TLN2: variants seen among roughly 807,000 people sequenced by gnomAD.
TLN2 encodes talin-2.
In TLN2, 118 loss-of-function variants were observed where a neutral mutation model predicts 294.7. The observed-to-expected ratio is 0.40, with a 90% CI of 0.34 to 0.47. The LOEUF (loss-of-function observed/expected upper bound fraction) is 0.47, where lower values mean the gene tolerates loss of function less well. TLN2 is among the 20% of genes least tolerant of loss of function. TLN2 has a pLI of 0.84. For synonymous variants in TLN2, 1,431 were observed against 1,304.5 expected (o/e 1.10, Z -2.09); for missense variants, 3,083 against 3,282.2 (o/e 0.94, Z 1.48).
At chr15:62,472,099 T>A (rs1474692776) in intron 1 of TLN2, among the ~76,000 whole-genome samples, 1 of 152,110 alleles carries the variant, frequency 6.6e-6, no homozygotes, top group Non-Finnish European at 1.5e-5. Context: ...TTCCCACCTT[T>A]CCCATGCACC....
intron 1 of TLN2, among the ~76,000 whole-genome samples, chr15:62,433,750 A>G (rs1019526892): frequency 1.3e-5 from 2 of 152,096 alleles, no homozygotes; most frequent in African/African-American, 2.4e-5. Context: ...GTCCAGATTC[A>G]CTTCCCTTCT....
At chr15:62,412,446 G>T (rs566411644) in intron 1 of TLN2, among the ~76,000 whole-genome samples, 3 of 152,306 alleles carry the variant, frequency 2.0e-5, no homozygotes, top group East Asian at 1.9e-4. Flanking sequence ...GGTGCTAGCT[G>T]TCCTTCTGTT....
At chr15:62,818,532 G>T (rs572343980) in intron 52 of TLN2, among the ~76,000 whole-genome samples, 1 of 152,262 alleles carries the variant, frequency 6.6e-6, no homozygotes, top group Non-Finnish European at 1.5e-5. Context: ...AAGGTGTTTA[G>T]TATTCTCAGT....
intron 28 of TLN2, 100 bp from the exon 29 acceptor site, chr15:62,736,778 T>A: frequency 7.9e-7 from 1 of 1,268,168 alleles, no homozygotes; most frequent in Non-Finnish European, 1.1e-6. Flanking sequence ...AATCTGCAGC[T>A]CCCCTTCTGT....
rs1158144919 is a variant in TLN2, at chr15:62,689,846, C to CT, written c.1114-2963dup. ...TTTTCAAAATTCTTGGTATGGGCTT[C>CT]TTTTTTTTTTTTTTTTTTTTTTTTT... On this transcript the variant is annotated intron_variant, in intron 12 of 58. Coordinates refer to ENST00000636159, the MANE Select transcript of TLN2 (RefSeq NM_015059.3). Among the ~76,000 whole-genome samples the CT allele has an allele frequency of 5.0e-3, 77 of 15,392 alleles. 12 individuals carry two copies. Among genetic ancestry groups the CT allele is most frequent in the African/African-American group, 0.011 (75 of 7,052 alleles). 10.1% of individuals were successfully genotyped at this position (15,392 alleles called of 152,430 possible). A position where few individuals can be genotyped will look rare whatever the true frequency, so the allele number is the denominator to read the frequency against.
chr15:62,690,346 C>G (rs1328539525), intron 12 of TLN2: 1 of 155,386 alleles, frequency 6.4e-6, no homozygotes, highest in Non-Finnish European at 1.4e-5. Context: ...CGCGGCCGGG[C>G]AGAGGCGCTC....
chr15:62,567,095 T>C (rs1041439754), intron 1 of TLN2, among the ~76,000 whole-genome samples: 2 of 152,230 alleles, frequency 1.3e-5, no homozygotes, highest in Non-Finnish European at 2.9e-5. Flanking sequence ...TTCCCACTTA[T>C]TATAGAGTGA....
intron 1 of TLN2, among the ~76,000 whole-genome samples, chr15:62,507,291 A>T (rs1241237567): frequency 1.3e-5 from 2 of 152,162 alleles, no homozygotes; most frequent in Non-Finnish European, 2.9e-5. Context: ...CAGTCAGCAC[A>T]ATTTGGGAAA....
At chr15:62,641,332 C>T (rs1184424726) in intron 3 of TLN2, among the ~76,000 whole-genome samples, 3 of 151,982 alleles carry the variant, frequency 2.0e-5, no homozygotes, top group Non-Finnish European at 4.4e-5. Context: ...AATAACAAGC[C>T]CAGGCCGGGC....
chr15:62,753,741 C>A lies in TLN2; in HGVS notation c.4333-32C>A, dbSNP rs781104371. On this transcript the variant is annotated intron_variant, in intron 35 of 58. Transcript: ENST00000636159. The stretch of plus-strand genomic sequence containing the variant: ...AGCAGGCTCACCTAGGAGCACGGAG[C>A]CTGAGCTGTGGTTTTTCTCTTCCCT... The A allele has an allele frequency of 1.1e-5, 17 of 1,579,776 alleles. No homozygotes were observed. The Admixed American group carries it at 2.7e-4, about 25-fold the overall frequency.
intron 1 of TLN2, among the ~76,000 whole-genome samples, chr15:62,391,582 C>T (rs1273261811): frequency 3.3e-5 from 5 of 152,108 alleles, no homozygotes; most frequent in Admixed American, 3.3e-4. Flanking sequence ...TTTCTGGGTC[C>T]CGGGGAGAGC....
At chr15:62,640,049 A>G in intron 3 of TLN2, 1 of 415,220 alleles carries the variant, frequency 2.4e-6, no homozygotes, top group South Asian at 1.8e-5. Context: ...GGCAAGCTTC[A>G]GGGTACCTGA....
Position 62,777,703 on chromosome 15 carries a change from A to G in TLN2, c.5514+793A>G, listed in dbSNP as rs546516797. ...TTGTGGTTCTGATATCTAGCCAGGCACAGAAACCACTGAAATCGTATATAT... is the reference window on the plus strand; with the variant it reads ...TTGTGGTTCTGATATCTAGCCAGGCGCAGAAACCACTGAAATCGTATATAT... On this transcript the variant is annotated intron_variant, in intron 43 of 58. Coordinates refer to ENST00000636159, the MANE Select transcript of TLN2 (RefSeq NM_015059.3). Among the ~76,000 whole-genome samples the G allele has an allele frequency of 6.6e-5, 10 of 152,314 alleles. No homozygotes were observed. The South Asian group carries it at 1.2e-3, about 19-fold the overall frequency.
At chr15:62,567,198 T>G (rs976712754) in intron 1 of TLN2, among the ~76,000 whole-genome samples, 5 of 152,256 alleles carry the variant, frequency 3.3e-5, no homozygotes, top group Non-Finnish European at 5.9e-5. Flanking sequence ...AGCTCTTTCT[T>G]TCGGATCATT....
chr15:62,806,988 G>A (rs1462047324), intron 51 of TLN2, among the ~76,000 whole-genome samples: 1 of 152,104 alleles, frequency 6.6e-6, no homozygotes, highest in Non-Finnish European at 1.5e-5. Context: ...TGTGTGCAAG[G>A]GCCTGGCCCT....
chr15:62,701,179 C>A lies in TLN2; in HGVS notation c.1661C>A (p.Thr554Lys). 1 of 1,614,140 alleles carries A rather than the reference C, an allele frequency of 6.2e-7. No individual in the cohort carries two copies. The highest frequency in any genetic ancestry group is 8.5e-7 in the Non-Finnish European group (1 of 1,180,026). ...ATCCATTCTCAAGTTGATGCTATCA[C>A]GGCCGGAACGGCTTCAGTTGTTAAC... Reference protein sequence around the residue: ...HEIHSQVDAITAGTASVVNLT... With the variant: ...HEIHSQVDAIKAGTASVVNLT... The change falls in exon 17 of 59, where the codon ACG (threonine) becomes AAG (lysine). Residue 554 changes from threonine (T) to lysine (K), a missense_variant. Physicochemically the swap from Thr to Lys is moderately conservative, Grantham distance 78 (BLOSUM62 -1). Coordinates refer to ENST00000636159, the MANE Select transcript of TLN2 (RefSeq NM_015059.3).
chr15:62,576,751 T>C (rs569412978), intron 1 of TLN2, among the ~76,000 whole-genome samples: 8 of 149,682 alleles, frequency 5.3e-5, no homozygotes, highest in South Asian at 2.1e-4. Flanking sequence ...TATTTATTCA[T>C]TCTATTTTTG....
At chr15:62,626,901 G>A (rs574334910) in intron 3 of TLN2, among the ~76,000 whole-genome samples, 1 of 152,212 alleles carries the variant, frequency 6.6e-6, no homozygotes, top group Non-Finnish European at 1.5e-5. Flanking sequence ...GAAGAAACTT[G>A]AGGAGTGTAG....
chr15:62,678,091 G>A (rs2056436052), intron 11 of TLN2, among the ~76,000 whole-genome samples: 1 of 151,524 alleles, frequency 6.6e-6, no homozygotes, highest in Admixed American at 6.6e-5. Flanking sequence ...CACCACCCCT[G>A]GCCAAGCACT....
Sources: allele counts gnomAD v4.1 joint callset (sites outside exome capture counted in the v4.1 genomes callset), GRCh38; gene constraint gnomAD v4.1.1; transcripts MANE v1.5; gene names NCBI Gene and HGNC (gene_info 2026-07-23, HGNC 2026-07-21).